PTPRD: variants seen among roughly 807,000 people sequenced by gnomAD.
PTPRD encodes receptor-type tyrosine-protein phosphatase delta.
PTPRD carries 34 observed loss-of-function variants against 214.5 expected under a neutral mutation model. The ratio of observed to expected loss-of-function variants is 0.16; its 90% CI spans 0.12 to 0.21. PTPRD has a LOEUF of 0.21. Among genes scored for constraint, PTPRD ranks in the 10% least tolerant of loss-of-function variants. PTPRD has a pLI of 1.00. For missense variants in PTPRD, 2,545 were observed against 2,398.7 expected (o/e 1.06, Z -1.27); for synonymous variants, 1,128 against 845.7 (o/e 1.33, Z -5.79).
chr9:9,759,202 T>C (rs537785054), intron 6 of PTPRD, among the ~76,000 whole-genome samples: 30 of 152,300 alleles, frequency 2.0e-4, no homozygotes, highest in African/African-American at 6.5e-4. Context: ...TGAGATCCTA[T>C]AGTAATACAC....
intron 39 of PTPRD, among the ~76,000 whole-genome samples, chr9:8,374,753 T>G (rs12338611): frequency 0.057 from 8,648 of 152,074 alleles, 849 homozygotes; most frequent in African/African-American, 0.2. Context: ...ATGTTATTAC[T>G]AGTTTTTATC....
Position 9,492,032 on chromosome 9 carries a change from T to C in PTPRD, c.-237+82700A>G, listed in dbSNP as rs1280534043. On this transcript the variant is annotated intron_variant, in intron 8 of 45. Coordinates refer to ENST00000381196, the MANE Select transcript of PTPRD (RefSeq NM_002839.4). ...AAGAAAAAGAGAGAGTATACATAAA[T>C]TACTAAAATGAGAAATGAAAGTGGG... 5.3e-5 allele frequency among the ~76,000 whole-genome samples: 8 copies of C among 151,902 alleles called. No homozygotes were observed. In the East Asian group the frequency reaches 1.2e-3, roughly 22 times the overall value.
intron 7 of PTPRD, among the ~76,000 whole-genome samples, chr9:9,707,480 A>C (rs1256763718): frequency 2.0e-5 from 3 of 152,174 alleles, no homozygotes; most frequent in Non-Finnish European, 4.4e-5. Flanking sequence ...TTTGATGTAC[A>C]ATAGAACCGG....
chr9:9,713,737 G>C (rs371116110), intron 7 of PTPRD, among the ~76,000 whole-genome samples: 2 of 152,060 alleles, frequency 1.3e-5, no homozygotes, highest in Non-Finnish European at 2.9e-5. Flanking sequence ...ACAGTGGGAG[G>C]AAAGAGAACA....
At chr9:9,779,078 C>CAA (rs869120926) in intron 5 of PTPRD, among the ~76,000 whole-genome samples, 923 of 45,464 alleles carry the variant, frequency 0.02, 209 homozygotes, top group African/African-American at 0.043. Context: ...ATAAGACTGA[C>CAA]AAAAAAAAAA....
rs959779340 is a variant in PTPRD, at chr9:10,612,877, G to A, written c.-897C>T. ...CAAGGAGGAGGCGAGGCTCTGTCGG[G>A]GCGAGGCGCTGCCCCCACGCGCTCC... On this transcript the variant is annotated 5_prime_UTR_variant, in exon 1 of 46. Coordinates refer to ENST00000381196, the MANE Select transcript of PTPRD (RefSeq NM_002839.4). Among the ~76,000 whole-genome samples the A allele has an allele frequency of 6.6e-6, 1 of 151,932 alleles. No homozygotes were observed. The highest frequency in any genetic ancestry group is 1.9e-4 in the East Asian group (1 of 5,140).
At chr9:10,066,639 G>A (rs1250106195) in intron 3 of PTPRD, among the ~76,000 whole-genome samples, 1 of 151,766 alleles carries the variant, frequency 6.6e-6, no homozygotes, top group African/African-American at 2.4e-5. Context: ...ATGCACCACA[G>A]CTTCCTTTAA....
intron 10 of PTPRD, among the ~76,000 whole-genome samples, chr9:9,118,712 T>C (rs1253035824): frequency 6.6e-6 from 1 of 152,194 alleles, no homozygotes; most frequent in Non-Finnish European, 1.5e-5. Flanking sequence ...CAGCTGATAA[T>C]TGAACAAATA....
intron 9 of PTPRD, among the ~76,000 whole-genome samples, chr9:9,364,759 T>C (rs2057380684): frequency 1.3e-5 from 2 of 151,622 alleles, no homozygotes; most frequent in South Asian, 4.2e-4. Context: ...GCTTTATTCT[T>C]AGTGAGATAT....
chr9:10,553,346 A>T (rs1047799631), intron 2 of PTPRD, among the ~76,000 whole-genome samples: 2 of 146,564 alleles, frequency 1.4e-5, no homozygotes, highest in Admixed American at 6.8e-5. Context: ...AACAATCTTT[A>T]TTTTTTTTTT....
At chr9:9,668,904 A>T (rs1429583727) in intron 7 of PTPRD, among the ~76,000 whole-genome samples, 1 of 152,084 alleles carries the variant, frequency 6.6e-6, no homozygotes, top group Non-Finnish European at 1.5e-5. Context: ...CCAATCCTGA[A>T]CTTTAGTGTT....
chr9:10,560,266 G>A (rs1325120286), intron 2 of PTPRD, among the ~76,000 whole-genome samples: 2 of 152,114 alleles, frequency 1.3e-5, no homozygotes, highest in African/African-American at 4.8e-5. Context: ...TAGGGACATG[G>A]ATGAAATTGG....
At chr9:8,560,656 A>G (rs1045262899) in intron 14 of PTPRD, among the ~76,000 whole-genome samples, 3 of 152,202 alleles carry the variant, frequency 2.0e-5, no homozygotes, top group African/African-American at 7.2e-5. Flanking sequence ...CTTTGTAGTT[A>G]TCTTCCCACA....
intron 10 of PTPRD, among the ~76,000 whole-genome samples, chr9:9,131,199 G>T (rs1227167132): frequency 6.6e-6 from 1 of 152,148 alleles, no homozygotes; most frequent in South Asian, 2.1e-4. Context: ...CCTTTGCATT[G>T]TCTCTGCTCT....
At chr9:8,451,112 T>A (rs1248480336) in intron 33 of PTPRD, among the ~76,000 whole-genome samples, 1 of 152,192 alleles carries the variant, frequency 6.6e-6, no homozygotes, top group Non-Finnish European at 1.5e-5. Flanking sequence ...TTTCTGCTCA[T>A]CTGTATAAAA....
chr9:10,486,648 C>T (rs1387500508), intron 2 of PTPRD, among the ~76,000 whole-genome samples: 5 of 152,078 alleles, frequency 3.3e-5, no homozygotes, highest in South Asian at 2.1e-4. Flanking sequence ...TCTAGTTTTA[C>T]TCCATTGTAG....
chr9:9,407,559 C>G lies in PTPRD; in HGVS notation c.-236-10077G>C, dbSNP rs373098351. Among the ~76,000 whole-genome samples the G allele has an allele frequency of 2.0e-5, 3 of 151,690 alleles. No homozygotes were observed. The East Asian group carries it at 5.8e-4, about 29-fold the overall frequency. ...CCTATCCTAAATTTTCCACAATCAA[C>G]ACAAAATCTATTTTTTTGAAATTGT... is the stretch of plus-strand genomic sequence containing the variant. On this transcript the variant is annotated intron_variant, in intron 8 of 45. Transcript: ENST00000381196.
intron 14 of PTPRD, among the ~76,000 whole-genome samples, chr9:8,556,732 TATC>T (rs1291065852): frequency 6.6e-6 from 1 of 152,136 alleles, no homozygotes; most frequent in Non-Finnish European, 1.5e-5. Context: ...TGTACAAATT[TATC>T]ATTTTGACAG....
At chr9:9,324,017 G>A (rs552198647) in intron 9 of PTPRD, among the ~76,000 whole-genome samples, 26 of 152,196 alleles carry the variant, frequency 1.7e-4, no homozygotes, top group South Asian at 2.1e-4. Context: ...AAGGACATGA[G>A]CTCATCCTTT....
Sources: gnomAD v4.1 joint callset for allele counts (sites outside exome capture counted in the v4.1 genomes callset) on GRCh38, gnomAD v4.1.1 for gene constraint, MANE v1.5 for transcripts, NCBI Gene and HGNC (gene_info 2026-07-23, HGNC 2026-07-21) for gene names.